PPP2R2C: variants seen among roughly 807,000 people sequenced by gnomAD.
The protein encoded by PPP2R2C is protein phosphatase 2, regulatory subunit B, gamma.
In PPP2R2C, 10 loss-of-function variants were observed where a neutral mutation model predicts 45.3. That is an observed-to-expected ratio of 0.22 (90% CI 0.14 to 0.37). The LOEUF (loss-of-function observed/expected upper bound fraction) is 0.37, where lower values mean the gene tolerates loss of function less well. PPP2R2C is among the 10% of genes least tolerant of loss of function. The pLI is 1.00. For missense variants in PPP2R2C, 308 were observed against 619.7 expected, an observed-to-expected ratio of 0.50 and a Z score of 5.34; for synonymous variants, 257 against 245.4, an observed-to-expected ratio of 1.05 and a Z score of -0.44.
chr4:6,453,065 GC>G (rs1478484331), intron 1 of PPP2R2C, among the ~76,000 whole-genome samples: 1 of 152,218 alleles, frequency 6.6e-6, no homozygotes, highest in Non-Finnish European at 1.5e-5. Context: ...GGCTCCCTCT[GC>G]CCGCAGTCCC....
chr4:6,534,009 T>C (rs569965932), intron 2 of PPP2R2C, among the ~76,000 whole-genome samples: 1 of 135,510 alleles, frequency 7.4e-6, no homozygotes, highest in South Asian at 2.5e-4. Flanking sequence ...CACCCCAATA[T>C]ACACACACCC....
intron 1 of PPP2R2C, among the ~76,000 whole-genome samples, chr4:6,541,080 C>A (rs1289276739): frequency 6.6e-6 from 1 of 152,162 alleles, no homozygotes; most frequent in African/African-American, 2.4e-5. Context: ...AGGGAAAGGG[C>A]AGGGGCCAGC....
rs75159114 is a variant in PPP2R2C at position 6,464,585 on chromosome 4, C to T, written c.70+7575G>A. On this transcript the variant is annotated intron_variant, in intron 1 of 8. Coordinates refer to ENST00000382599, the MANE Select transcript of PPP2R2C (RefSeq NM_020416.4). ...ATGTTCAACCTCATTGGTATGCAGA[C>T]GTGAATTACAATAAATATTTTTCAT... is the stretch of plus-strand genomic sequence containing the variant. 2.2e-3 allele frequency among the ~76,000 whole-genome samples: 336 copies of T among 152,278 alleles called. 4 individuals carry two copies. In the East Asian group the frequency reaches 0.034, roughly 15 times the overall value.
intron 1 of PPP2R2C, among the ~76,000 whole-genome samples, chr4:6,410,640 C>T (rs13115486): frequency 0.049 from 7,398 of 152,086 alleles, 227 homozygotes; most frequent in Middle Eastern, 0.13. Context: ...GGGGGTGTGG[C>T]TGGACGTGAA....
In PPP2R2C at chr4:6,426,907, T is replaced by C. The variant is rs140869721; in HGVS notation, c.70+45253A>G. On this transcript the variant is annotated intron_variant, in intron 1 of 8. Transcript: ENST00000382599. Reference sequence around the variant, plus strand: ...GAGCTCAAGGAGGCAGCTGTCTCACTGGGGAGTCTTTGAGCACCAACATGG... The same window carrying C: ...GAGCTCAAGGAGGCAGCTGTCTCACCGGGGAGTCTTTGAGCACCAACATGG... Among the ~76,000 whole-genome samples, 787 of 152,340 alleles carry C rather than the reference T, an allele frequency of 5.2e-3. 6 individuals are homozygous for C. The highest frequency in any genetic ancestry group is 0.018 in the African/African-American group (735 of 41,570).
At chr4:6,563,735 C>T (rs1347036240), upstream of PPP2R2C, 2 of 144,788 alleles carry the variant, frequency 1.4e-5, no homozygotes, top group Non-Finnish European at 3.1e-5. The surrounding 1 kb of genome is among the most constrained non-coding windows in gnomAD (Gnocchi z 5.8). Flanking sequence ...CGAGGCTAAC[C>T]CGGCTGCTGG....
chr4:6,381,974 G>T, intron 1 of PPP2R2C: 2 of 1,444,428 alleles, frequency 1.4e-6, no homozygotes, highest in South Asian at 1.5e-5. Context: ...GGGAGTGGGG[G>T]AGAGCAGGGG....
At chr4:6,537,370 T>G (rs545901394) in intron 1 of PPP2R2C, among the ~76,000 whole-genome samples, 2 of 152,020 alleles carry the variant, frequency 1.3e-5, no homozygotes, top group African/African-American at 4.8e-5. Flanking sequence ...GAAAGGAGAG[T>G]GTGCCTTTCA....
chr4:6,347,809 AATGCAC>A, intron 6 of PPP2R2C, 31 bp downstream of exon 6: 1 of 393,322 alleles, frequency 2.5e-6, no homozygotes, highest in Non-Finnish European at 4.1e-6. Flanking sequence ...CCGCCTGCCC[AATGCAC>A]AGCCCCCCAC....
intron 1 of PPP2R2C, among the ~76,000 whole-genome samples, chr4:6,404,878 T>A (rs1717692309): frequency 6.6e-6 from 1 of 152,356 alleles, no homozygotes; most frequent in South Asian, 2.1e-4. Context: ...GAGGGCCAAC[T>A]GCGGTCAGGT....
intron 1 of PPP2R2C, among the ~76,000 whole-genome samples, chr4:6,554,948 A>AAGGAAGGAAGGAAGGG (rs1491171368): frequency 1.4e-5 from 2 of 142,644 alleles, no homozygotes; most frequent in Non-Finnish European, 3.0e-5. Context: ...AGAAAGAAAG[A>AAGGAAGGAAGGAAGGG]AAGAAAGAAA....
At chr4:6,401,834 G>T (rs752815258) in intron 1 of PPP2R2C, among the ~76,000 whole-genome samples, 2 of 152,126 alleles carry the variant, frequency 1.3e-5, no homozygotes, top group Non-Finnish European at 2.9e-5. Flanking sequence ...GGTGGGAGAG[G>T]GGGGGTATCT....
chr4:6,541,710 T>C (rs1352271816), intron 1 of PPP2R2C, among the ~76,000 whole-genome samples: 1 of 152,184 alleles, frequency 6.6e-6, no homozygotes, highest in African/African-American at 2.4e-5. Context: ...CACGCTCAGC[T>C]AATTTTTGTA....
intron 2 of PPP2R2C, among the ~76,000 whole-genome samples, chr4:6,534,648 G>C (rs4689475): frequency 0.95 from 144,997 of 152,132 alleles, 69,467 homozygotes; most frequent in East Asian, 1. Context: ...AACACACACA[G>C]CCCCAAAGAG....
chr4:6,356,980 C>T (rs190515601), intron 5 of PPP2R2C, among the ~76,000 whole-genome samples: 57 of 151,526 alleles, frequency 3.8e-4, no homozygotes, highest in African/African-American at 2.4e-5. Context: ...GTCTCAGCCT[C>T]TCTGGACTCT....
intron 5 of PPP2R2C, chr4:6,350,963 C>A: frequency 2.0e-6 from 2 of 985,330 alleles, no homozygotes; most frequent in Non-Finnish European, 1.2e-6. Flanking sequence ...TCAGTGTCCA[C>A]CCAAACGCTC....
intron 1 of PPP2R2C, among the ~76,000 whole-genome samples, chr4:6,458,267 C>T (rs928761327): frequency 1.3e-5 from 2 of 152,198 alleles, no homozygotes; most frequent in Non-Finnish European, 2.9e-5. Context: ...GTTCAGGCTG[C>T]TATAACAAAA....
intron 2 of PPP2R2C, among the ~76,000 whole-genome samples, chr4:6,488,880 C>A (rs987879016): frequency 1.3e-5 from 2 of 152,192 alleles, no homozygotes; most frequent in Admixed American, 1.3e-4. Flanking sequence ...CTACTCCTGA[C>A]TGTGTGCGTG....
intron 8 of PPP2R2C, among the ~76,000 whole-genome samples, chr4:6,327,649 T>C (rs1207472846): frequency 6.6e-6 from 1 of 152,214 alleles, no homozygotes; most frequent in African/African-American, 2.4e-5. Flanking sequence ...AGGAGCCCTG[T>C]CTGCTGGGGG....
Sources: gnomAD v4.1 joint callset for allele counts (sites outside exome capture counted in the v4.1 genomes callset) on GRCh38, gnomAD v4.1.1 for gene constraint, Gnocchi (gnomAD v3.1) non-coding constraint, MANE v1.5 for transcripts, NCBI Gene and HGNC (gene_info 2026-07-23, HGNC 2026-07-21) for gene names.